The following SLC6A9 variants were observed in gnomAD, a reference collection of about 807,000 sequenced individuals.
The protein encoded by SLC6A9 is sodium- and chloride-dependent glycine transporter 1.
A neutral mutation model predicts 70.9 loss-of-function variants in SLC6A9; 31 were observed. The observed-to-expected ratio is 0.44, with a 90% CI of 0.33 to 0.59. The LOEUF (loss-of-function observed/expected upper bound fraction) is 0.59, where lower values mean the gene tolerates loss of function less well. Among genes scored for constraint, SLC6A9 ranks in the 20% least tolerant of loss-of-function variants. The pLI is 0.04. For synonymous variants in SLC6A9, 310 were observed against 341.3 expected, an observed-to-expected ratio of 0.91 and a Z score of 1.01; for missense variants, 631 against 845.2, an observed-to-expected ratio of 0.75 and a Z score of 3.14.
At position 44,000,752 on chromosome 1, in the gene SLC6A9, G is replaced by T; in HGVS notation, c.1536+15C>A. ...GGGGCAGCGGGGGAAGGGAGGGGCC[G>T]GCCAGGGAACTCACGAAGATGATGG... On this transcript the variant is annotated intron_variant, in intron 12 of 13. Transcript: ENST00000372310. 2 of 1,552,808 alleles carry T rather than the reference G, an allele frequency of 1.3e-6. No homozygotes were observed. Among genetic ancestry groups the T allele is most frequent in the Non-Finnish European group, 1.8e-6 (2 of 1,134,668 alleles).
At chr1:44,017,385 AC>A in intron 2 of SLC6A9, 1 of 1,219,912 alleles carries the variant, frequency 8.2e-7, no homozygotes, top group Non-Finnish European at 1.0e-6. Context: ...ACACACACAC[AC>A]ACACACACAC....
chr1:44,012,990 C>G (rs2086624448), intron 2 of SLC6A9, among the ~76,000 whole-genome samples: 1 of 152,222 alleles, frequency 6.6e-6, no homozygotes, highest in Non-Finnish European at 1.5e-5. Context: ...TGGTCCCAAA[C>G]AAATGCCAGC....
Position 44,008,236 on chromosome 1 carries a change from C to T in SLC6A9, c.590+117G>A. 3 of 1,009,508 alleles carry T rather than the reference C, an allele frequency of 3.0e-6. No homozygotes were observed. The South Asian group carries it at 4.3e-5, about 14-fold the overall frequency. 62.5% of individuals were successfully genotyped at this position (1,009,508 alleles called of 1,614,324 possible). On this transcript the variant is annotated intron_variant, in intron 5 of 13. Coordinates refer to ENST00000372310, the MANE Select transcript of SLC6A9 (RefSeq NM_001024845.3). ...CTCTTCACTCACCTCTACCCTCTCC[C>T]AGCCCAGCAGCGGGCTGAACCTGCA...
chr1:44,017,387 ACAC>A, intron 2 of SLC6A9: 1 of 1,225,686 alleles, frequency 8.2e-7, no homozygotes, highest in Non-Finnish European at 1.0e-6. Flanking sequence ...ACACACACAC[ACAC>A]ACACACACAC....
At chr1:44,000,527 G>A (rs2086051711) in intron 12 of SLC6A9, among the ~76,000 whole-genome samples, 1 of 152,230 alleles carries the variant, frequency 6.6e-6, no homozygotes, top group Non-Finnish European at 1.5e-5. Context: ...AGCAACGTCT[G>A]CAGTCAAATA....
intron 11 of SLC6A9, 33 bp downstream of exon 11, chr1:44,000,923 G>A (rs200442118): frequency 4.9e-5 from 79 of 1,600,150 alleles, no homozygotes; most frequent in South Asian, 3.6e-4. Context: ...GCCAAGGGCC[G>A]GGTCGCGGGA....
intron 2 of SLC6A9, among the ~76,000 whole-genome samples, chr1:44,022,478 A>G (rs2154307373): frequency 6.6e-6 from 1 of 152,228 alleles, no homozygotes; most frequent in East Asian, 1.9e-4. Context: ...ATCTGGGCCC[A>G]TTTCTGAGCA....
At chr1:44,017,231 G>A (rs937452160) in intron 2 of SLC6A9, 33 of 1,522,052 alleles carry the variant, frequency 2.2e-5, no homozygotes, top group East Asian at 1.0e-4. Context: ...ATCTCCTCCC[G>A]AAGCTCTGCC....
At chr1:44,027,914 G>A (rs547564578) in intron 1 of SLC6A9, among the ~76,000 whole-genome samples, 14 of 152,310 alleles carry the variant, frequency 9.2e-5, no homozygotes, top group African/African-American at 3.1e-4. Context: ...GGCAGAGGTT[G>A]CAGTGAGCCG....
intron 1 of SLC6A9, among the ~76,000 whole-genome samples, chr1:44,027,416 T>A (rs1324700246): frequency 1.3e-5 from 2 of 152,214 alleles, no homozygotes; most frequent in Admixed American, 1.3e-4. Flanking sequence ...GCCCTCCACA[T>A]GTTCCTCCCC....
rs958488516 is a variant in SLC6A9, at chr1:44,011,639, G to C, written c.31-757C>G. On this transcript the variant is annotated intron_variant, in intron 2 of 13. Coordinates refer to ENST00000372310, the MANE Select transcript of SLC6A9 (RefSeq NM_001024845.3). Reference sequence around the variant, plus strand: ...TGTAGGCCCCATGCCAGACTTTGAGGACAGACTCTGCTAGGGAAGTAGAGG... The same window carrying C: ...TGTAGGCCCCATGCCAGACTTTGAGCACAGACTCTGCTAGGGAAGTAGAGG... The C allele has an allele frequency of 6.2e-7, 1 of 1,613,992 alleles. No individual in the cohort carries two copies. Among genetic ancestry groups the C allele is most frequent in the Admixed American group, 1.7e-5 (1 of 60,032 alleles).
At chr1:44,015,688 A>T (rs901218305) in intron 2 of SLC6A9, among the ~76,000 whole-genome samples, 1 of 152,230 alleles carries the variant, frequency 6.6e-6, no homozygotes, top group Non-Finnish European at 1.5e-5. Flanking sequence ...CTATCAGTGC[A>T]GGGCCCAGCC....
At chr1:44,016,952 G>T in intron 2 of SLC6A9, 1 of 1,302,380 alleles carries the variant, frequency 7.7e-7, no homozygotes, top group Non-Finnish European at 1.0e-6. Flanking sequence ...CCCCTCCCTG[G>T]CACAGACCAC....
At chr1:44,011,437 G>A (rs2086564977) in intron 2 of SLC6A9, 1 of 810,014 alleles carries the variant, frequency 1.2e-6, no homozygotes, top group East Asian at 2.5e-5. Context: ...GGCAGGGCTG[G>A]GGGGAAATGG....
Position 44,009,996 on chromosome 1 carries a change from C to G in SLC6A9, c.288G>C (p.Leu96=), listed in dbSNP as rs201789512. 2.4e-5 allele frequency: 39 copies of G among 1,613,994 alleles called. No homozygotes were observed. The highest frequency in any genetic ancestry group is 3.2e-5 in the Non-Finnish European group (38 of 1,179,972). ...ACATGGGGCTGATCCTCCAGACCCC[C>G]AGGCACCCCTGGCTTGCAAACTGGC... is the stretch of plus-strand genomic sequence containing the variant. ...SFGQFASQGC[L]GVWRISPMFK... is the part of the protein sequence containing the mutation. Residue 96 remains leucine (L), a synonymous_variant, in exon 4 of 14, where the codon CTG becomes CTC. Coordinates refer to ENST00000372310, the MANE Select transcript of SLC6A9 (RefSeq NM_001024845.3).
rs971341275 is a variant in SLC6A9 at position 44,031,383 on chromosome 1, C to T, written c.-163G>A. ...GGTGGCTTTCTTAAAGGGAAAGTTG[C>T]ATCAGCCTCCCGAGGCTCTGTGCCG... On this transcript the variant is annotated 5_prime_UTR_variant, in exon 1 of 14. The change abolishes an upstream ATG in the 5' untranslated region. Coordinates refer to ENST00000372310, the MANE Select transcript of SLC6A9 (RefSeq NM_001024845.3). 4 of 152,256 alleles carry T rather than the reference C, an allele frequency of 2.6e-5. No homozygotes were observed. The highest frequency in any genetic ancestry group is 3.9e-4 in the East Asian group (2 of 5,142). The allele number at this position is 152,256 out of a possible 1,614,324, so 9.4% of individuals were successfully genotyped here.
Position 43,997,698 on chromosome 1 carries a change from A to C in SLC6A9, c.1749T>G (p.Pro583=). The change falls in exon 14 of 14, where the codon CCT becomes CCG. Residue 583 remains proline, a synonymous_variant. Coordinates refer to ENST00000372310, the MANE Select transcript of SLC6A9 (RefSeq NM_001024845.3). This position sits in a 1 kb window ranked among gnomAD's most constrained non-coding sequence, Gnocchi z 4.4. ...GCCCTGTCCGGTGCTCCAGGAGGGC[A>C]GGGCCCCAGTCTCTGCTTGGCTTTG... ...NATKPSRDWG[P]ALLEHRTGRY... The C allele has an allele frequency of 6.2e-7, 1 of 1,610,802 alleles. No individual in the cohort carries two copies. Among genetic ancestry groups the C allele is most frequent in the Non-Finnish European group, 8.5e-7 (1 of 1,178,942 alleles).
chr1:44,002,369 C>A lies in SLC6A9; in HGVS notation c.906G>T (p.Ala302=). Reference sequence around the variant, plus strand: ...AAGCCATGGTGATGAGGCCTCCCCACGCGCAGCCCAGTGAGTAGAAGATCT... The same window carrying A: ...AAGCCATGGTGATGAGGCCTCCCCAAGCGCAGCCCAGTGAGTAGAAGATCT... ...ASQIFYSLGC[A]WGGLITMASY... is the part of the protein sequence containing the mutation. Residue 302 remains alanine (A), a synonymous_variant, in exon 8 of 14, where the codon GCG becomes GCT. Coordinates refer to ENST00000372310, the MANE Select transcript of SLC6A9 (RefSeq NM_001024845.3). The surrounding 1 kb of genome is among the most constrained non-coding windows in gnomAD (Gnocchi z 5.5). 1.9e-6 allele frequency: 3 copies of A among 1,614,112 alleles called. No homozygotes were observed. Among genetic ancestry groups the A allele is most frequent in the Non-Finnish European group, 2.5e-6 (3 of 1,179,990 alleles).
chr1:44,022,718 C>CTTTTTTTT (rs777966364), intron 2 of SLC6A9, among the ~76,000 whole-genome samples: 27 of 59,924 alleles, frequency 4.5e-4, no homozygotes, highest in East Asian at 1.3e-3. Context: ...TTCTTTCTTT[C>CTTTTTTTT]TTTCTTTTTT....
Sources: allele counts gnomAD v4.1 joint callset (sites outside exome capture counted in the v4.1 genomes callset), GRCh38; gene constraint gnomAD v4.1.1; non-coding constraint Gnocchi (gnomAD v3.1); transcripts MANE v1.5; gene names NCBI Gene and HGNC (gene_info 2026-07-23, HGNC 2026-07-21).